The following CERT1 variants were observed in gnomAD, a reference collection of about 807,000 sequenced individuals.
The protein encoded by CERT1 is ceramide transporter 1, also known as ceramide transfer protein.
A neutral mutation model predicts 87.9 loss-of-function variants in CERT1; 31 were observed. That is an observed-to-expected ratio of 0.35 (90% CI 0.27 to 0.48). The LOEUF (loss-of-function observed/expected upper bound fraction) is 0.48. CERT1 is among the 20% of genes least tolerant of loss of function. CERT1 has a pLI of 0.99. For synonymous variants in CERT1, 289 were observed against 250.9 expected (o/e 1.15, Z -1.44); for missense variants, 487 against 758.0 (o/e 0.64, Z 4.20).
intron 3 of CERT1, among the ~76,000 whole-genome samples, chr5:75,441,975 T>C (rs888542060): frequency 6.6e-6 from 1 of 152,174 alleles, no homozygotes; most frequent in African/African-American, 2.4e-5. Context: ...GGAATTGCCA[T>C]ACTATTTTTC....
intron 13 of CERT1, 104 bp from the exon 14 acceptor site, chr5:75,384,816 A>G: frequency 1.4e-6 from 1 of 719,874 alleles, no homozygotes; most frequent in South Asian, 1.7e-5. Flanking sequence ...GGTAAATTGA[A>G]CAGGATCCTG....
intron 2 of CERT1, among the ~76,000 whole-genome samples, chr5:75,462,750 T>C (rs1765290281): frequency 6.6e-6 from 1 of 151,834 alleles, no homozygotes; most frequent in South Asian, 2.1e-4. Context: ...ATCCCAGCAC[T>C]TTGGGAGGCG....
chr5:75,478,901 G>GT (rs1302668904), intron 2 of CERT1, among the ~76,000 whole-genome samples: 1 of 49,426 alleles, frequency 2.0e-5, no homozygotes, highest in Non-Finnish European at 3.4e-5. Context: ...GAGCTTGAAA[G>GT]TAAGTACTAA....
Position 75,382,500 on chromosome 5 carries a change from T to A in CERT1, c.1489-423A>T, listed in dbSNP as rs560438578. ...ATTATGTTCTACTTAGATTCAAAGA[T>A]TTAATGAAAAAAGACTTATTTGAAT... On this transcript the variant is annotated intron_variant, in intron 14 of 16. Transcript: ENST00000643780. Among the ~76,000 whole-genome samples the A allele has an allele frequency of 2.6e-5, 4 of 152,056 alleles. No individual in the cohort carries two copies. The East Asian group carries it at 7.7e-4, about 29-fold the overall frequency.
At chr5:75,394,442 A>T (rs1002499482) in intron 11 of CERT1, among the ~76,000 whole-genome samples, 9 of 152,178 alleles carry the variant, frequency 5.9e-5, no homozygotes, top group African/African-American at 1.4e-4. Flanking sequence ...TTGAGGTTGC[A>T]GTGAGCTATG....
chr5:75,426,366 C>A lies in CERT1; in HGVS notation c.456+5G>T. The A allele has an allele frequency of 6.3e-7, 1 of 1,598,490 alleles. No homozygotes were observed. Among genetic ancestry groups the A allele is most frequent in the Non-Finnish European group, 8.6e-7 (1 of 1,165,938 alleles). On this transcript the variant is annotated splice_donor_5th_base_variant and intron_variant, in intron 4 of 16. Transcript: ENST00000643780. ...TTTAACTTAAGGCATCCATTAACTA[C>A]ACACCTTGAATGAAGAGGTGGATGT... is the stretch of plus-strand genomic sequence containing the variant.
intron 3 of CERT1, 99 bp downstream of exon 3, chr5:75,458,966 G>A (rs769975451): frequency 3.0e-6 from 2 of 673,814 alleles, no homozygotes; most frequent in Non-Finnish European, 5.3e-6. Context: ...AATGTTCAAT[G>A]TTTCAGTAAC....
intron 11 of CERT1, among the ~76,000 whole-genome samples, chr5:75,398,360 T>A (rs1031638781): frequency 6.6e-6 from 1 of 152,082 alleles, no homozygotes; most frequent in African/African-American, 2.4e-5. Flanking sequence ...TATGTTATAA[T>A]AGCAATACAA....
At chr5:75,501,867 T>G (rs1161956442) in intron 2 of CERT1, among the ~76,000 whole-genome samples, 1 of 152,132 alleles carries the variant, frequency 6.6e-6, no homozygotes, top group Non-Finnish European at 1.5e-5. Flanking sequence ...CAAGTGTAAA[T>G]TTTAGATGAA....
At chr5:75,487,127 A>C (rs1766560667) in intron 2 of CERT1, among the ~76,000 whole-genome samples, 1 of 152,172 alleles carries the variant, frequency 6.6e-6, no homozygotes. Context: ...ACTGGCATAT[A>C]AACAGATATA....
At chr5:75,442,931 ATCG>A (rs1764384708) in intron 3 of CERT1, among the ~76,000 whole-genome samples, 4 of 152,178 alleles carry the variant, frequency 2.6e-5, no homozygotes, top group Admixed American at 2.0e-4. Flanking sequence ...AATAAACTTT[ATCG>A]TAAGTATGTA....
intron 3 of CERT1, among the ~76,000 whole-genome samples, chr5:75,438,185 T>C (rs1764175401): frequency 6.6e-6 from 1 of 152,184 alleles, no homozygotes; most frequent in Non-Finnish European, 1.5e-5. Context: ...TAGTTTTTAA[T>C]TTCTCTCAAA....
chr5:75,501,390 G>C (rs1767361737), intron 2 of CERT1, among the ~76,000 whole-genome samples: 1 of 152,032 alleles, frequency 6.6e-6, no homozygotes, highest in Admixed American at 6.6e-5. Context: ...AAGAATAATA[G>C]GAATTCTACT....
chr5:75,494,406 G>A (rs1369305301), intron 2 of CERT1, among the ~76,000 whole-genome samples: 1 of 152,178 alleles, frequency 6.6e-6, no homozygotes, highest in African/African-American at 2.4e-5. Context: ...AGGGTCATGT[G>A]AGGCTCAGTA....
At chr5:75,453,312 A>G (rs1330049255) in intron 3 of CERT1, among the ~76,000 whole-genome samples, 1 of 152,326 alleles carries the variant, frequency 6.6e-6, no homozygotes, top group East Asian at 1.9e-4. Context: ...CAAATAAAAA[A>G]TTTGCGTGCC....
chr5:75,507,627 C>G (rs901587342), intron 1 of CERT1, among the ~76,000 whole-genome samples: 6 of 152,142 alleles, frequency 3.9e-5, no homozygotes, highest in African/African-American at 1.4e-4. Context: ...TTTCCTACTT[C>G]CTTGGGGAGA....
intron 2 of CERT1, 70 bp downstream of exon 2, chr5:75,505,912 G>A (rs879084599): frequency 8.9e-6 from 11 of 1,234,936 alleles, no homozygotes; most frequent in South Asian, 5.1e-5. Context: ...TCCTGAACAC[G>A]TAGAACAGTT....
chr5:75,419,355 C>A lies in CERT1; in HGVS notation c.665G>T (p.Gly222Val). ...GTATTACTTACACTTTTCTTTATTG[C>A]CGTTGGTACTATGCAAGAAGTCACC... ...SDGDFLHSTNGNKEKLFPHVT... is the reference protein window; with the variant it reads ...SDGDFLHSTNVNKEKLFPHVT... The change falls in exon 6 of 17, where the codon GGC (glycine) becomes GTC (valine). Residue 222 changes from glycine to valine, a missense_variant. Gly to Val is a moderately radical substitution (Grantham distance 109, BLOSUM62 -3). Coordinates refer to ENST00000643780, the MANE Select transcript of CERT1 (RefSeq NM_001379029.1). 1 of 1,609,718 alleles carries A rather than the reference C, an allele frequency of 6.2e-7. No individual in the cohort carries two copies. The highest frequency in any genetic ancestry group is 8.5e-7 in the Non-Finnish European group (1 of 1,176,666).
intron 3 of CERT1, among the ~76,000 whole-genome samples, chr5:75,442,891 T>C (rs1484414775): frequency 1.3e-5 from 2 of 152,196 alleles, no homozygotes; most frequent in African/African-American, 4.8e-5. Flanking sequence ...TTGTCATTGG[T>C]GGTAATCTCT....
Sources: gnomAD v4.1 joint callset for allele counts (sites outside exome capture counted in the v4.1 genomes callset) on GRCh38, gnomAD v4.1.1 for gene constraint, MANE v1.5 for transcripts, NCBI Gene and HGNC (gene_info 2026-07-23, HGNC 2026-07-21) for gene names.